Variants in LAMTOR5 observed in about 807,000 individuals in gnomAD.
The protein encoded by LAMTOR5 is ragulator complex protein LAMTOR5.
LAMTOR5 carries 8 observed loss-of-function variants against 12.1 expected under a neutral mutation model. That is an observed-to-expected ratio of 0.66 (90% CI 0.39 to 1.19). The LOEUF (loss-of-function observed/expected upper bound fraction) is 1.19. Ranked by LOEUF, LAMTOR5 falls within the 50% of genes most tolerant of loss-of-function variation. The pLI is 0.01. For synonymous variants in LAMTOR5, 37 were observed against 41.9 expected (o/e 0.88, Z 0.45); for missense variants, 110 against 112.8 (o/e 0.97, Z 0.11).
intron 3 of LAMTOR5, 167 bp downstream of exon 3, chr1:110,403,752 C>T: frequency 3.0e-6 from 3 of 988,596 alleles, no homozygotes; most frequent in Non-Finnish European, 4.2e-6. Context: ...CCTGAGAGCA[C>T]ATTAGCTTTA....
chr1:110,406,589 C>T, intron 1 of LAMTOR5: 1 of 361,438 alleles, frequency 2.8e-6, no homozygotes, highest in South Asian at 3.8e-5. Flanking sequence ...CTTTGGGAGG[C>T]CCAGGTGGGC....
At chr1:110,403,853 G>C (rs1570670156) in intron 3 of LAMTOR5, 66 bp downstream of exon 3, 1 of 1,594,286 alleles carries the variant, frequency 6.3e-7, no homozygotes, top group Non-Finnish European at 8.6e-7. Flanking sequence ...CACAGGGCCG[G>C]CCCCCGCCAA....
At chr1:110,407,325 G>A in intron 1 of LAMTOR5, 1 of 590,688 alleles carries the variant, frequency 1.7e-6, no homozygotes, top group Non-Finnish European at 3.0e-6. Context: ...TTTCAACAAC[G>A]AGATAGGCAG....
intron 3 of LAMTOR5, among the ~76,000 whole-genome samples, chr1:110,403,238 T>TTG (rs1663262228): frequency 6.6e-6 from 1 of 152,230 alleles, no homozygotes; most frequent in African/African-American, 2.4e-5. Flanking sequence ...ATAGTAGCAG[T>TTG]TGTATATATA....
At chr1:110,401,720 T>A in intron 3 of LAMTOR5, 137 bp from the exon 4 acceptor site, 1 of 917,174 alleles carries the variant, frequency 1.1e-6, no homozygotes, top group East Asian at 2.8e-5. Flanking sequence ...TATTTAAACA[T>A]AACAAAACAT....
Position 110,406,329 on chromosome 1 carries a change from A to T in LAMTOR5, c.86T>A (p.Leu29His). Residue 29 changes from leucine (L) to histidine (H), a missense_variant, in exon 2 of 4, where the codon CTT becomes CAT. Coordinates refer to ENST00000602318, the MANE Select transcript of LAMTOR5 (RefSeq NM_001382293.1). ...TGAGAGATACTTACAACCCAGATTA[A>T]GTCCTTGTGAATCTGTGCACAGGAC... ...VGVLCTDSQG[L>H]NLGCRGTLSD... The T allele has an allele frequency of 6.2e-7, 1 of 1,606,544 alleles. No homozygotes were observed. The highest frequency in any genetic ancestry group is 8.5e-7 in the Non-Finnish European group (1 of 1,175,984).
Position 110,401,467 on chromosome 1 carries a change from T to C in LAMTOR5, c.*56A>G, listed in dbSNP as rs1051516808. ...GAACTTTAGTAGTTCTATAAGGTAA[T>C]TAACATAGGTAGGATCCAGTTCCTA... On this transcript the variant is annotated 3_prime_UTR_variant, in exon 4 of 4. Transcript: ENST00000602318. The C allele has an allele frequency of 7.6e-5, 118 of 1,559,038 alleles. No homozygotes were observed. The highest frequency in any genetic ancestry group is 9.9e-5 in the Non-Finnish European group (113 of 1,136,914).
Position 110,407,566 on chromosome 1 carries a change from A to G in LAMTOR5, c.35+20T>C. The G allele has an allele frequency of 6.2e-7, 1 of 1,610,102 alleles. No homozygotes were observed. The highest frequency in any genetic ancestry group is 1.1e-5 in the South Asian group (1 of 91,006). On this transcript the variant is annotated intron_variant, in intron 1 of 3. Transcript: ENST00000602318. ...TCCGCCGCGACCTCAGGACAGGCCG[A>G]AGAGGCGCGCACTACTCACGTGTCT...
At chr1:110,403,826 A>C in intron 3 of LAMTOR5, 93 bp downstream of exon 3, 1 of 1,524,324 alleles carries the variant, frequency 6.6e-7, no homozygotes, top group Non-Finnish European at 8.8e-7. Context: ...TAGTCTGAAT[A>C]AGGAATCACT....
intron 1 of LAMTOR5, chr1:110,407,130 T>C: frequency 3.1e-6 from 2 of 637,560 alleles, no homozygotes; most frequent in Non-Finnish European, 5.6e-6. Context: ...ACATAGATAC[T>C]GCTTGTTCGA....
rs752809084 is a variant in LAMTOR5 at position 110,407,661 on chromosome 1, G to C, written c.-41C>G. 1 of 1,614,200 alleles carries C rather than the reference G, an allele frequency of 6.2e-7. No individual in the cohort carries two copies. The highest frequency in any genetic ancestry group is 2.2e-5 in the East Asian group (1 of 44,876). ...CTCCGGCTCAGAACCCAGCGGCACG[G>C]CACGTCCTTCTCCACCACAGGCCTC... On this transcript the variant is annotated 5_prime_UTR_variant, in exon 1 of 4. Coordinates refer to ENST00000602318, the MANE Select transcript of LAMTOR5 (RefSeq NM_001382293.1).
Position 110,403,988 on chromosome 1 carries a change from G to C in LAMTOR5, c.146C>G (p.Ala49Gly), listed in dbSNP as rs776825739. Residue 49 changes from alanine to glycine, a missense_variant, in exon 3 of 4, where the codon GCC becomes GGC. Physicochemically the swap from Ala to Gly is moderately conservative, Grantham distance 60. Coordinates refer to ENST00000602318, the MANE Select transcript of LAMTOR5 (RefSeq NM_001382293.1). Reference protein sequence around the residue: ...DEHAGVISVLAQQAAKLTSDP... With the variant: ...DEHAGVISVLGQQAAKLTSDP... ...AGAGGTTAGCTTAGCTGCTTGCTGG[G>C]CTAGAACAGATATCACTCCAGCATG... is the stretch of plus-strand genomic sequence containing the variant. The C allele has an allele frequency of 6.2e-7, 1 of 1,614,150 alleles. No homozygotes were observed. The highest frequency in any genetic ancestry group is 2.2e-5 in the East Asian group (1 of 44,886).
At chr1:110,402,648 A>T (rs761877558) in intron 3 of LAMTOR5, among the ~76,000 whole-genome samples, 2 of 152,162 alleles carry the variant, frequency 1.3e-5, no homozygotes, top group Non-Finnish European at 2.9e-5. Flanking sequence ...TCCAGAAGGT[A>T]TCATCATTAC....
In LAMTOR5 at chr1:110,406,395, CAA is replaced by C. The variant is rs1314060530; in HGVS notation, c.36-18_36-17del. The stretch of plus-strand genomic sequence containing the variant: ...ATTCTTCATTCTAATTCCAGGAACA[CAA>C]GAGAGTTGAAGTACATAATGGGAGA... On this transcript the variant is annotated splice_polypyrimidine_tract_variant and intron_variant, in intron 1 of 3. Coordinates refer to ENST00000602318, the MANE Select transcript of LAMTOR5 (RefSeq NM_001382293.1). 1.9e-6 allele frequency: 3 copies of C among 1,597,060 alleles called. No individual in the cohort carries two copies. The highest frequency in any genetic ancestry group is 2.3e-5 in the East Asian group (1 of 44,438).
At chr1:110,407,386 G>A in intron 1 of LAMTOR5, 200 bp downstream of exon 1, 1 of 679,042 alleles carries the variant, frequency 1.5e-6, no homozygotes, top group Non-Finnish European at 2.4e-6. Context: ...GGAATGTGCG[G>A]TGCCCGGCAG....
intron 2 of LAMTOR5, among the ~76,000 whole-genome samples, chr1:110,404,451 T>C (rs936414672): frequency 6.6e-6 from 1 of 152,240 alleles, no homozygotes; most frequent in African/African-American, 2.4e-5. Flanking sequence ...GTCTTTCCAT[T>C]AGTAAGCCTA....
chr1:110,403,707 G>T, intron 3 of LAMTOR5: 2 of 549,582 alleles, frequency 3.6e-6, no homozygotes, highest in Non-Finnish European at 5.7e-6. Flanking sequence ...GATAGCTTCT[G>T]CCAATTCTTA....
In LAMTOR5 at chr1:110,404,051, T is replaced by C. The variant is rs553882943; in HGVS notation, c.98-15A>G. On this transcript the variant is annotated splice_polypyrimidine_tract_variant and intron_variant, in intron 2 of 3. Transcript: ENST00000602318. The stretch of plus-strand genomic sequence containing the variant: ...GGTCCCGCGGCCTGGAAAATAGAGA[T>C]GATATATGTCACCTGATTGCTCATA... The C allele has an allele frequency of 1.2e-6, 2 of 1,612,470 alleles. No individual in the cohort carries two copies. Among genetic ancestry groups the C allele is most frequent in the East Asian group, 2.2e-5 (1 of 44,884 alleles).
chr1:110,403,956 T>C lies in LAMTOR5; in HGVS notation c.178A>G (p.Thr60Ala), dbSNP rs1411566832. 1 of 1,614,064 alleles carries C rather than the reference T, an allele frequency of 6.2e-7. No homozygotes were observed. Among genetic ancestry groups the C allele is most frequent in the Non-Finnish European group, 8.5e-7 (1 of 1,180,038 alleles). Reference sequence around the variant, plus strand: ...TCTAGACACACCACAGGAATATCAGTGGGGTCAGAGGTTAGCTTAGCTGCT... The same window carrying C: ...TCTAGACACACCACAGGAATATCAGCGGGGTCAGAGGTTAGCTTAGCTGCT... ...QQAAKLTSDP[T>A]DIPVVCLESD... is the part of the protein sequence containing the mutation. The change falls in exon 3 of 4, where the codon ACT becomes GCT. Residue 60 changes from threonine to alanine, a missense_variant. Physicochemically the swap from Thr to Ala is moderately conservative, Grantham distance 58. Transcript: ENST00000602318.
Sources: allele counts gnomAD v4.1 joint callset (sites outside exome capture counted in the v4.1 genomes callset), GRCh38; gene constraint gnomAD v4.1.1; transcripts MANE v1.5; gene names NCBI Gene and HGNC (gene_info 2026-07-23, HGNC 2026-07-21).